DPP10: variants seen among roughly 807,000 people sequenced by gnomAD.
DPP10 encodes the protein dipeptidyl peptidase like 10, also known as inactive dipeptidyl peptidase 10.
In DPP10, 33 loss-of-function variants were observed where a neutral mutation model predicts 120.9. That is an observed-to-expected ratio of 0.27 (90% CI 0.21 to 0.37). The LOEUF is 0.37. Ranked by LOEUF, DPP10 falls within the 10% of genes least tolerant of loss-of-function variation. The probability of loss-of-function intolerance (pLI) is 1.00; values close to 1 mark genes in which losing one functional copy is unlikely to be tolerated. For missense variants in DPP10, 816 were observed against 942.8 expected (o/e 0.87, Z 1.76); for synonymous variants, 337 against 326.1 (o/e 1.03, Z -0.36).
chr2:114,934,274 C>T (rs1361365206), intron 1 of DPP10, among the ~76,000 whole-genome samples: 1 of 152,182 alleles, frequency 6.6e-6, no homozygotes, highest in East Asian at 1.9e-4. Context: ...TACTAATAGC[C>T]TCCTTTGACT....
intron 3 of DPP10, among the ~76,000 whole-genome samples, chr2:115,444,788 T>C (rs1361041355): frequency 2.6e-5 from 4 of 152,166 alleles, no homozygotes; most frequent in Non-Finnish European, 5.9e-5. Flanking sequence ...CTTTCTAAAA[T>C]GTCTAGATAG....
intron 1 of DPP10, among the ~76,000 whole-genome samples, chr2:114,849,823 T>C (rs750182209): frequency 9.9e-5 from 15 of 152,236 alleles, no homozygotes; most frequent in Non-Finnish European, 2.1e-4. Flanking sequence ...CCCAGAGTAG[T>C]CTAGATAATC....
chr2:114,655,350 G>T (rs1696891638), intron 1 of DPP10, among the ~76,000 whole-genome samples: 1 of 152,128 alleles, frequency 6.6e-6, no homozygotes, highest in African/African-American at 2.4e-5. Flanking sequence ...AAAACGTGTG[G>T]CGTTTAAAGA....
intron 7 of DPP10, 67 bp downstream of exon 7, chr2:115,689,988 A>G (rs2091223094): frequency 6.7e-7 from 1 of 1,497,614 alleles, no homozygotes; most frequent in Non-Finnish European, 9.1e-7. Flanking sequence ...GTTAACTGAA[A>G]CTTTGGAAAA....
chr2:115,566,854 T>C (rs1328845005), intron 5 of DPP10, among the ~76,000 whole-genome samples: 1 of 152,206 alleles, frequency 6.6e-6, no homozygotes, highest in Non-Finnish European at 1.5e-5. Flanking sequence ...ATTCATAGGA[T>C]ATTCCCATTC....
At chr2:115,610,270 C>G (rs1454495688) in intron 5 of DPP10, among the ~76,000 whole-genome samples, 1 of 152,110 alleles carries the variant, frequency 6.6e-6, no homozygotes, top group Non-Finnish European at 1.5e-5. Flanking sequence ...GATATGGCGG[C>G]TGCATTTCCC....
intron 1 of DPP10, among the ~76,000 whole-genome samples, chr2:114,758,541 A>G (rs761915726): frequency 8.5e-5 from 13 of 152,214 alleles, no homozygotes; most frequent in Non-Finnish European, 1.3e-4. Flanking sequence ...CCAGGCCTAT[A>G]TTACTCATGA....
chr2:115,500,527 T>C (rs12470594), intron 4 of DPP10, among the ~76,000 whole-genome samples: 32,232 of 151,916 alleles, frequency 0.21, 3,931 homozygotes, highest in East Asian at 0.39. Context: ...GGACTAAGAA[T>C]ATTCTGTTTA....
At chr2:115,251,566 A>G (rs2058753294) in intron 1 of DPP10, among the ~76,000 whole-genome samples, 1 of 152,210 alleles carries the variant, frequency 6.6e-6, no homozygotes, top group Non-Finnish European at 1.5e-5. Context: ...TGTAAAATAA[A>G]TAAAAGGAGA....
chr2:115,608,011 A>T (rs936740163), intron 5 of DPP10, among the ~76,000 whole-genome samples: 3 of 152,172 alleles, frequency 2.0e-5, no homozygotes, highest in Non-Finnish European at 2.9e-5. Flanking sequence ...GTGGAATAAT[A>T]ATACTTTTCT....
rs79963260 is a variant in DPP10 at position 115,313,016 on chromosome 2, G to C, written c.175+3663G>C. Among the ~76,000 whole-genome samples, 9 of 152,144 alleles carry C rather than the reference G, an allele frequency of 5.9e-5. No homozygotes were observed. The East Asian group carries it at 1.7e-3, about 29-fold the overall frequency. ...AGGTGGGAGGATCACGAGGTCTGGA[G>C]TTCGAGACCATCCTGGCCAACATGG... On this transcript the variant is annotated intron_variant, in intron 2 of 25. Coordinates refer to ENST00000410059, the MANE Select transcript of DPP10 (RefSeq NM_020868.6).
intron 2 of DPP10, among the ~76,000 whole-genome samples, chr2:115,335,245 G>T (rs1391481135): frequency 6.6e-6 from 1 of 152,012 alleles, no homozygotes; most frequent in African/African-American, 2.4e-5. Context: ...CTCATGACAT[G>T]TGGGAATTGT....
intron 1 of DPP10, among the ~76,000 whole-genome samples, chr2:114,697,919 T>A (rs562071761): frequency 8.5e-4 from 129 of 152,218 alleles, no homozygotes; most frequent in African/African-American, 2.9e-3. Context: ...CAACTGTAAC[T>A]TATAGATTTG....
At chr2:115,715,699 G>A (rs766183844) in intron 7 of DPP10, among the ~76,000 whole-genome samples, 9 of 152,100 alleles carry the variant, frequency 5.9e-5, no homozygotes. Context: ...TCACGTCTCC[G>A]TGCATACCCG....
At chr2:114,463,573 A>G (rs375773610) in intron 1 of DPP10, 18 of 152,150 alleles carry the variant, frequency 1.2e-4, no homozygotes, top group African/African-American at 4.3e-4. Flanking sequence ...CAGTGAAGTT[A>G]TGTTATATAC....
At chr2:115,535,849 C>A (rs1306545213) in intron 5 of DPP10, among the ~76,000 whole-genome samples, 1 of 151,886 alleles carries the variant, frequency 6.6e-6, no homozygotes, top group African/African-American at 2.4e-5. Flanking sequence ...AGTTGGATTC[C>A]TAGGTATTTT....
Position 114,738,570 on chromosome 2 carries a change from C to T in DPP10, c.60+295732C>T, listed in dbSNP as rs557599835. Among the ~76,000 whole-genome samples, 42 of 152,264 alleles carry T rather than the reference C, an allele frequency of 2.8e-4. 1 individual carries two copies. In the Middle Eastern group the frequency reaches 0.01, roughly 37 times the overall value. On this transcript the variant is annotated intron_variant, in intron 1 of 25. Transcript: ENST00000410059. ...GGAGCACTAGCCTGTGTGAGGAGCA[C>T]CGGCCTGTGTGAGAATCCCTGCTCA...
chr2:115,416,105 A>G lies in DPP10; in HGVS notation c.271+72193A>G, dbSNP rs1329839426. ...TAATTAGACTACAGGGTGTCCTTCAATACTTGAAATTATATTTTGCTGTTT... is the reference window on the plus strand; with the variant it reads ...TAATTAGACTACAGGGTGTCCTTCAGTACTTGAAATTATATTTTGCTGTTT... On this transcript the variant is annotated intron_variant, in intron 3 of 25. Transcript: ENST00000410059. Among the ~76,000 whole-genome samples, 3 of 151,904 alleles carry G rather than the reference A, an allele frequency of 2.0e-5. No individual in the cohort carries two copies. In the East Asian group the frequency reaches 5.8e-4, roughly 29 times the overall value.
At chr2:115,800,376 T>C (rs1559170115) in intron 19 of DPP10, among the ~76,000 whole-genome samples, 2 of 152,188 alleles carry the variant, frequency 1.3e-5, no homozygotes, top group African/African-American at 2.4e-5. Context: ...TTTCTCCCAT[T>C]CTGTAGGTTG....
Sources: gnomAD v4.1 joint callset for allele counts (sites outside exome capture counted in the v4.1 genomes callset) on GRCh38, gnomAD v4.1.1 for gene constraint, MANE v1.5 for transcripts, NCBI Gene and HGNC (gene_info 2026-07-23, HGNC 2026-07-21) for gene names.